VBP1: variants seen among roughly 807,000 people sequenced by gnomAD.
VBP1 encodes VHL binding protein 1.
In VBP1, 4 loss-of-function variants were observed where a neutral mutation model predicts 15.5. The ratio of observed to expected loss-of-function variants is 0.26; its 90% confidence interval spans 0.13 to 0.59. The LOEUF is 0.59. VBP1 is among the 20% of genes least tolerant of loss of function. VBP1 has a pLI of 0.90. For synonymous variants in VBP1, 61 were observed against 52.1 expected, an observed-to-expected ratio of 1.17 and a Z score of -0.74; for missense variants, 108 against 139.6, an observed-to-expected ratio of 0.77 and a Z score of 1.14.
rs906694734 is a variant in VBP1, at chrX:155,239,722, A to T, written c.*880A>T. On this transcript the variant is annotated 3_prime_UTR_variant, in exon 6 of 6. Transcript: ENST00000286428. ...GGGTGATACAGATTCTGATAAAAAC[A>T]TAAATGTATTAGTTCATCTCCATGT... 1.2e-4 allele frequency: 14 copies of T among 112,524 alleles called. No individual in the cohort carries two copies. Among genetic ancestry groups the T allele is most frequent in the African/African-American group, 3.9e-4 (12 of 30,930 alleles). 9.3% of individuals were successfully genotyped at this position (112,524 alleles called of 1,213,427 possible). A position where few individuals can be genotyped will look rare whatever the true frequency, so the allele number is the denominator to read the frequency against.
chrX:155,212,664 G>T (rs1303559435), upstream of VBP1, among the ~76,000 whole-genome samples: 1 of 111,794 alleles, frequency 8.9e-6, no homozygotes, highest in African/African-American at 3.3e-5. Flanking sequence ...TAAATGACAG[G>T]GTTAAACTAG....
At chrX:155,236,789 A>G (rs782707501) in intron 5 of VBP1, among the ~76,000 whole-genome samples, 1 of 112,596 alleles carries the variant, frequency 8.9e-6, no homozygotes, top group Non-Finnish European at 1.9e-5. Flanking sequence ...GTGAGTAAGT[A>G]TTTTTCTTCC....
At chrX:155,215,113 T>C (rs2074657844), upstream of VBP1, among the ~76,000 whole-genome samples, 1 of 111,667 alleles carries the variant, frequency 9.0e-6, no homozygotes, top group African/African-American at 3.3e-5. Flanking sequence ...AAGTAAGTCC[T>C]TGATTGGTTC....
In VBP1 at chrX:155,236,251, A is replaced by T; in HGVS notation, c.407A>T (p.Asp136Val). 1 of 1,210,145 alleles carries T rather than the reference A, an allele frequency of 8.3e-7. No individual in the cohort carries two copies. The highest frequency in any genetic ancestry group is 1.1e-6 in the Non-Finnish European group (1 of 894,699). Residue 136 changes from aspartate (D) to valine (V), a missense_variant, in exon 5 of 6, where the codon GAT (aspartate) becomes GTT (valine). Transcript: ENST00000286428. ...WLGANVMLEYDIDEAQALLEK... is the reference protein window; with the variant it reads ...WLGANVMLEYVIDEAQALLEK... The stretch of plus-strand genomic sequence containing the variant: ...CAGGCTAATGTAATGCTTGAATATG[A>T]TATTGATGAAGCTCAGGCATTGTTG...
upstream of VBP1, among the ~76,000 whole-genome samples, chrX:155,213,992 C>T (rs782678882): frequency 1.8e-5 from 2 of 111,787 alleles, no homozygotes; most frequent in Non-Finnish European, 3.8e-5. Context: ...CAAACTACGG[C>T]TTGATCTATG....
At chrX:155,219,228 TTATAA>T (rs1277598805) in intron 1 of VBP1, among the ~76,000 whole-genome samples, 1 of 112,395 alleles carries the variant, frequency 8.9e-6, no homozygotes, top group Non-Finnish European at 1.9e-5. Context: ...TTGAAGTTAC[TTATAA>T]TAAAGAACTA....
At chrX:155,232,449 T>A (rs898370482) in intron 4 of VBP1, among the ~76,000 whole-genome samples, 1 of 112,005 alleles carries the variant, frequency 8.9e-6, no homozygotes, top group Admixed American at 9.5e-5. Context: ...TTTTTCCTAA[T>A]ATTTATATAC....
intron 2 of VBP1, among the ~76,000 whole-genome samples, chrX:155,209,798 G>A (rs998961053): frequency 8.1e-5 from 9 of 111,759 alleles, no homozygotes; most frequent in Non-Finnish European, 1.7e-4. Context: ...GAAAAATGAC[G>A]AGAGTTTTGT....
At chrX:155,228,972 G>T (rs1242549665) in intron 4 of VBP1, among the ~76,000 whole-genome samples, 2 of 112,203 alleles carry the variant, frequency 1.8e-5, no homozygotes, top group African/African-American at 6.5e-5. Context: ...AGTTTTAGAT[G>T]ATTTCATTGA....
chrX:155,230,966 C>G (rs1458599611), intron 4 of VBP1, among the ~76,000 whole-genome samples: 1 of 112,195 alleles, frequency 8.9e-6, no homozygotes, highest in East Asian at 2.8e-4. Context: ...GTATGAGCCA[C>G]CGTGTCCAGT....
intron 5 of VBP1, among the ~76,000 whole-genome samples, chrX:155,237,928 G>A (rs1557311798): frequency 9.0e-6 from 1 of 111,719 alleles, no homozygotes; most frequent in Admixed American, 9.5e-5. Flanking sequence ...CTGAGGGAAG[G>A]CAGGCCTGTT....
At chrX:155,236,686 TAATA>T (rs782508810) in intron 5 of VBP1, among the ~76,000 whole-genome samples, 24 of 112,824 alleles carry the variant, frequency 2.1e-4, no homozygotes, top group Non-Finnish European at 4.1e-4. Context: ...TTTTATAAGA[TAATA>T]AATAAGATAT....
At chrX:155,229,451 T>C (rs1340338231) in intron 4 of VBP1, among the ~76,000 whole-genome samples, 1 of 112,177 alleles carries the variant, frequency 8.9e-6, no homozygotes, top group Non-Finnish European at 1.9e-5. Flanking sequence ...GCCCCATTTC[T>C]TTTATTATCT....
Position 155,238,786 on chromosome X carries a change from T to C in VBP1, c.538T>C (p.Tyr180His). The change falls in exon 6 of 6, where the codon TAT becomes CAT. Residue 180 changes from tyrosine (Y) to histidine (H), a missense_variant. Transcript: ENST00000286428. ...TTTEVNMARV[Y>H]NWDVKRRNKD... ...AATTCTTGCAGATATGGCCAGGGTTTATAATTGGGATGTAAAAAGAAGAAA... is the reference window on the plus strand; with the variant it reads ...AATTCTTGCAGATATGGCCAGGGTTCATAATTGGGATGTAAAAAGAAGAAA... 1 of 1,206,581 alleles carries C rather than the reference T, an allele frequency of 8.3e-7. No individual in the cohort carries two copies. The highest frequency in any genetic ancestry group is 1.1e-6 in the Non-Finnish European group (1 of 893,376).
chrX:155,202,017 C>G (rs1463359605), intron 1 of VBP1, among the ~76,000 whole-genome samples: 1 of 111,481 alleles, frequency 9.0e-6, no homozygotes, highest in African/African-American at 3.3e-5. Flanking sequence ...ACAATTCCTT[C>G]AAAGAGAATA....
intron 1 of VBP1, among the ~76,000 whole-genome samples, chrX:155,208,365 G>A (rs2074633108): frequency 1.8e-5 from 2 of 112,363 alleles, no homozygotes; most frequent in South Asian, 3.6e-4. Flanking sequence ...ATGTGCTTGC[G>A]CTTCCTTCAC....
chrX:155,207,572 G>A (rs942465942), intron 1 of VBP1, among the ~76,000 whole-genome samples: 4 of 112,035 alleles, frequency 3.6e-5, no homozygotes, highest in African/African-American at 1.3e-4. Flanking sequence ...CCTGCACACT[G>A]AAGATAGCTA....
In VBP1 at chrX:155,221,417, C is replaced by T. The variant is rs144929909; in HGVS notation, c.218+1110C>T. ...TCTAGAGGCTGAGGTGGGAGGATCG[C>T]CTGAACCCAGGACGTTGAGGCTGCA... On this transcript the variant is annotated intron_variant, in intron 2 of 5. Transcript: ENST00000286428. Among the ~76,000 whole-genome samples the T allele has an allele frequency of 6.4e-3, 717 of 111,286 alleles. 6 individuals carry two copies. The highest frequency in any genetic ancestry group is 0.022 in the African/African-American group (682 of 30,549).
intron 2 of VBP1, among the ~76,000 whole-genome samples, chrX:155,223,785 A>AC (rs1385925149): frequency 2.5e-5 from 2 of 79,923 alleles, no homozygotes; most frequent in African/African-American, 5.0e-5. Context: ...GGGCAGAGGC[A>AC]CCCCCCCACC....
Sources: gnomAD v4.1 joint callset for allele counts (sites outside exome capture counted in the v4.1 genomes callset) on GRCh38, gnomAD v4.1.1 for gene constraint, MANE v1.5 for transcripts, NCBI Gene and HGNC (gene_info 2026-07-23, HGNC 2026-07-21) for gene names.